NHEJ1: variants seen among roughly 807,000 people sequenced by gnomAD.
NHEJ1 encodes non-homologous end joining factor 1, also known as non-homologous end-joining factor 1.
In NHEJ1, 22 loss-of-function variants were observed where a neutral mutation model predicts 39.4. The ratio of observed to expected loss-of-function variants is 0.56; its 90% confidence interval spans 0.40 to 0.80. NHEJ1 has a LOEUF of 0.80. Ranked by LOEUF, NHEJ1 falls within the 30% of genes least tolerant of loss-of-function variation. The probability of loss-of-function intolerance (pLI) is 0.00; values close to 1 mark genes in which losing one functional copy is unlikely to be tolerated. For synonymous variants in NHEJ1, 154 were observed against 135.6 expected (o/e 1.14, Z -0.94); for missense variants, 329 against 357.1 (o/e 0.92, Z 0.63).
intron 5 of NHEJ1, among the ~76,000 whole-genome samples, chr2:219,092,856 T>TC (rs1455240307): frequency 6.6e-6 from 1 of 152,148 alleles, no homozygotes; most frequent in Non-Finnish European, 1.5e-5. Context: ...GATCTTGAGA[T>TC]CCCAGAGAAA....
intron 1 of NHEJ1, among the ~76,000 whole-genome samples, chr2:219,160,278 G>T (rs377366808): frequency 1.3e-5 from 2 of 152,150 alleles, no homozygotes; most frequent in Admixed American, 1.3e-4. Flanking sequence ...AGAGCATCCC[G>T]GCTGGGCCCC....
chr2:219,137,627 A>G (rs1949647352), intron 5 of NHEJ1, among the ~76,000 whole-genome samples: 1 of 151,412 alleles, frequency 6.6e-6, no homozygotes, highest in Non-Finnish European at 1.5e-5. Context: ...AGAATAAAAC[A>G]CTAATCTGCC....
intron 5 of NHEJ1, among the ~76,000 whole-genome samples, chr2:219,129,386 T>C (rs1288209166): frequency 6.6e-6 from 1 of 152,160 alleles, no homozygotes; most frequent in Non-Finnish European, 1.5e-5. Flanking sequence ...TGCCATCTAA[T>C]CTAAGATGAA....
At chr2:219,085,720 C>A (rs1949105611) in intron 5 of NHEJ1, among the ~76,000 whole-genome samples, 1 of 151,976 alleles carries the variant, frequency 6.6e-6, no homozygotes, top group Admixed American at 6.6e-5. Context: ...CAACTCACCC[C>A]CACCCCCGCC....
chr2:219,141,829 G>GA (rs1004361794), intron 5 of NHEJ1, among the ~76,000 whole-genome samples: 2 of 152,110 alleles, frequency 1.3e-5, no homozygotes, highest in African/African-American at 4.8e-5. Context: ...CTGATCCTGG[G>GA]AAACACTAAC....
chr2:219,093,275 G>A (rs779753815), intron 5 of NHEJ1, among the ~76,000 whole-genome samples: 9 of 152,150 alleles, frequency 5.9e-5, no homozygotes, highest in Non-Finnish European at 8.8e-5. Context: ...TAATCAACAG[G>A]TAGACAGTGA....
intron 5 of NHEJ1, among the ~76,000 whole-genome samples, chr2:219,128,476 C>A (rs187110058): frequency 3.2e-4 from 48 of 152,130 alleles, no homozygotes; most frequent in Non-Finnish European, 1.5e-5. Context: ...CTTCTGGGTA[C>A]AATAGATAGT....
At chr2:219,078,805 C>G (rs903817562) in intron 5 of NHEJ1, among the ~76,000 whole-genome samples, 1 of 152,064 alleles carries the variant, frequency 6.6e-6, no homozygotes, top group Non-Finnish European at 1.5e-5. Context: ...GGCTGAGATT[C>G]CCCCAAGGGA....
At chr2:219,135,814 T>C (rs2106353991) in intron 5 of NHEJ1, among the ~76,000 whole-genome samples, 1 of 152,272 alleles carries the variant, frequency 6.6e-6, no homozygotes, top group Admixed American at 6.5e-5. Flanking sequence ...CCTGTCTCTT[T>C]TAGAAAACAA....
chr2:219,157,367 GAGA>G, intron 3 of NHEJ1, 102 bp downstream of exon 3: 2 of 959,824 alleles, frequency 2.1e-6, no homozygotes, highest in Non-Finnish European at 3.3e-6. Flanking sequence ...TTTCTGATTG[GAGA>G]AGAATTTCAA....
intron 5 of NHEJ1, among the ~76,000 whole-genome samples, chr2:219,083,569 G>A (rs1285026935): frequency 6.6e-6 from 1 of 152,132 alleles, no homozygotes; most frequent in Non-Finnish European, 1.5e-5. Flanking sequence ...CTGTGACACT[G>A]TGGGAAAGCC....
intron 5 of NHEJ1, among the ~76,000 whole-genome samples, chr2:219,100,481 C>G (rs551223781): frequency 6.6e-6 from 1 of 150,966 alleles, no homozygotes; most frequent in South Asian, 2.1e-4. Flanking sequence ...GATGGTAGTG[C>G]ACACCTGTAA....
intron 5 of NHEJ1, among the ~76,000 whole-genome samples, chr2:219,082,620 C>G (rs988199991): frequency 6.6e-6 from 1 of 152,214 alleles, no homozygotes; most frequent in Non-Finnish European, 1.5e-5. Context: ...TCTGAGGATA[C>G]AGGTTTAATG....
chr2:219,094,615 C>T lies in NHEJ1; in HGVS notation c.589-16409G>A, dbSNP rs1949189788. 3.3e-5 allele frequency among the ~76,000 whole-genome samples: 5 copies of T among 152,220 alleles called. No homozygotes were observed. The South Asian group carries it at 1.0e-3, about 32-fold the overall frequency. ...ATTTCTAGGTGTAGTACATCTCACA[C>T]TCTTTTGGATCTAGGTTTCACTAAG... On this transcript the variant is annotated intron_variant, in intron 5 of 7. Coordinates refer to ENST00000356853, the MANE Select transcript of NHEJ1 (RefSeq NM_024782.3).
intron 5 of NHEJ1, among the ~76,000 whole-genome samples, chr2:219,109,900 C>G (rs1949348406): frequency 6.6e-6 from 1 of 152,172 alleles, no homozygotes; most frequent in South Asian, 2.1e-4. Context: ...TAATCCTTAA[C>G]TATCTTGGGG....
intron 3 of NHEJ1, among the ~76,000 whole-genome samples, chr2:219,152,077 T>G (rs1210149989): frequency 6.6e-6 from 1 of 152,128 alleles, no homozygotes; most frequent in Non-Finnish European, 1.5e-5. Context: ...TCCCCGTAAT[T>G]TATAGACAGC....
chr2:219,154,951 ATATAT>A (rs1473694719), intron 3 of NHEJ1, among the ~76,000 whole-genome samples: 2 of 146,866 alleles, frequency 1.4e-5, no homozygotes, highest in East Asian at 1.9e-4. Context: ...ATATATGTTA[ATATAT>A]TATATATTAT....
chr2:219,114,066 G>C (rs1949389257), intron 5 of NHEJ1, among the ~76,000 whole-genome samples: 1 of 152,186 alleles, frequency 6.6e-6, no homozygotes, highest in African/African-American at 2.4e-5. Context: ...AATATTCTTA[G>C]GGAGAAGTTC....
chr2:219,100,912 T>C (rs760426312), intron 5 of NHEJ1, among the ~76,000 whole-genome samples: 9 of 152,210 alleles, frequency 5.9e-5, no homozygotes, highest in Non-Finnish European at 1.0e-4. Context: ...GTAAACACTA[T>C]AGATGTATAT....
Sources: allele counts gnomAD v4.1 joint callset (sites outside exome capture counted in the v4.1 genomes callset), GRCh38; gene constraint gnomAD v4.1.1; transcripts MANE v1.5; gene names NCBI Gene and HGNC (gene_info 2026-07-23, HGNC 2026-07-21).